DOK7: variants seen among roughly 807,000 people sequenced by gnomAD.
DOK7 encodes the protein protein Dok-7.
Under a neutral mutation model 30.7 loss-of-function variants are expected in DOK7, and 32 were observed. That is an observed-to-expected ratio of 1.04 (90% confidence interval 0.79 to 1.40). The LOEUF is 1.40. Among genes scored for constraint, DOK7 ranks in the 40% most tolerant of loss-of-function variants. DOK7 has a pLI of 0.00. For synonymous variants in DOK7, 447 were observed against 324.1 expected (o/e 1.38, Z -4.07); for missense variants, 1,007 against 699.2 (o/e 1.44, Z -4.97).
At position 3,493,457 on chromosome 4, in the gene DOK7, G is replaced by T; in HGVS notation, c.1471G>T (p.Ala491Ser). The T allele has an allele frequency of 1.2e-6, 2 of 1,610,200 alleles. No homozygotes were observed. The highest frequency in any genetic ancestry group is 8.5e-7 in the Non-Finnish European group (1 of 1,178,878). Residue 491 changes from alanine (A) to serine (S), a missense_variant, in exon 7 of 7, where the codon GCA becomes TCA. Ala to Ser is a moderately conservative substitution (Grantham distance 99). Coordinates refer to ENST00000340083, the MANE Select transcript of DOK7 (RefSeq NM_173660.5). ...HAGPPPAFFS[A>S]CPVCGGLKVN... ...GGGGCCACCCCCGGCTTTCTTTTCG[G>T]CATGTCCAGTCTGTGGAGGACTCAA...
rs916189 is a variant in DOK7 at position 3,485,424 on chromosome 4, A to G, written c.533-115A>G. 0.72 allele frequency: 964,824 copies of G among 1,338,124 alleles called. 350,818 individuals carry two copies. The highest frequency in any genetic ancestry group is 0.94 in the East Asian group (34,382 of 36,514). The allele number at this position is 1,338,124 out of a possible 1,614,324, so 82.9% of individuals were successfully genotyped here. ...GGCATCTGACTTCGTGGGGCCAGGCAGGGTGTCATTGTCGGCTCTTGGTGG... is the reference window on the plus strand; with the variant it reads ...GGCATCTGACTTCGTGGGGCCAGGCGGGGTGTCATTGTCGGCTCTTGGTGG... On this transcript the variant is annotated intron_variant, in intron 4 of 6. Transcript: ENST00000340083.
rs540055006 is a variant in DOK7, at chr4:3,501,368, G to A, written c.*543G>A. ...TCCCGGAATCCCCTCCCCGCCTCCC[G>A]GCTGTCCTGCCTGGGCCACCGCCAC... On this transcript the variant is annotated 3_prime_UTR_variant, in exon 8 of 8. Coordinates refer to the DOK7 transcript ENST00000643608. The A allele has an allele frequency of 1.2e-3, 182 of 155,226 alleles. 1 individual carries two copies. Among genetic ancestry groups the A allele is most frequent in the Non-Finnish European group, 2.1e-3 (145 of 69,948 alleles). 9.6% of individuals were successfully genotyped at this position (155,226 alleles called of 1,614,324 possible).
In DOK7 at chr4:3,493,495, T is replaced by C. The variant is rs1728686361; in HGVS notation, c.1509T>C (p.Pro503=). 1 of 1,611,068 alleles carries C rather than the reference T, an allele frequency of 6.2e-7. No individual in the cohort carries two copies. Among genetic ancestry groups the C allele is most frequent in the Non-Finnish European group, 8.5e-7 (1 of 1,179,286 alleles). ...GTGGAGGACTCAAGGTAAACCCCCC[T>C]CCTTGAGAGCCGCAGATCCCGCCCC... ...PVCGGLKVNP[P]P is the part of the protein sequence containing the mutation. Residue 503 remains proline, a synonymous_variant, in exon 7 of 7, where the codon CCT becomes CCC. Transcript: ENST00000340083.
chr4:3,496,533 G>A (rs746270124), downstream of DOK7, among the ~76,000 whole-genome samples: 10 of 152,330 alleles, frequency 6.6e-5, no homozygotes, highest in South Asian at 2.1e-4. Context: ...GCTGGGAACC[G>A]CCCCCTCCCC....
exon 8 of DOK7, chr4:3,501,098 G>A (rs1729164519): frequency 2.0e-6 from 1 of 507,960 alleles, no homozygotes; most frequent in Non-Finnish European, 3.4e-6. Flanking sequence ...CCAGGCATCA[G>A]GCAGCTCTGG....
In DOK7 at chr4:3,468,248, AAG is replaced by A. The variant is rs577157909; in HGVS notation, c.100+4698_100+4699del. Among the ~76,000 whole-genome samples, 367 of 149,200 alleles carry A rather than the reference AAG, an allele frequency of 2.5e-3. 2 individuals are homozygous for A. The highest frequency in any genetic ancestry group is 8.1e-3 in the African/African-American group (326 of 40,314). On this transcript the variant is annotated intron_variant, in intron 2 of 6. Transcript: ENST00000340083. The stretch of plus-strand genomic sequence containing the variant: ...TACCTGTGTGGGGGTGTATGTGTGC[AAG>A]TGTGTGTCCGCGTGCATGTGAATAC...
chr4:3,473,465 C>T lies in DOK7; in HGVS notation c.160C>T (p.Arg54Cys), dbSNP rs760460184. The T allele has an allele frequency of 6.2e-6, 10 of 1,610,950 alleles. No individual in the cohort carries two copies. Among genetic ancestry groups the T allele is most frequent in the South Asian group, 1.1e-5 (1 of 91,006 alleles). Reference sequence around the variant, plus strand: ...GGAGCGTATCAAGGGCCTGCGGGAGCGCAGCAGCCTGACGCTAGAGGACAT... The same window carrying T: ...GGAGCGTATCAAGGGCCTGCGGGAGTGCAGCAGCCTGACGCTAGAGGACAT... The part of the protein sequence containing the change: ...KSERIKGLRE[R>C]SSLTLEDICG... The change falls in exon 3 of 7, where the codon CGC becomes TGC. Residue 54 changes from arginine (R) to cysteine (C), a missense_variant. Physicochemically the swap from Arg to Cys is radical, Grantham distance 180. Coordinates refer to ENST00000340083, the MANE Select transcript of DOK7 (RefSeq NM_173660.5).
chr4:3,490,403 T>TTACCCTCCTGCTCATTCATTCCTTCC, intron 6 of DOK7, among the ~76,000 whole-genome samples: 1 of 9,706 alleles, frequency 1.0e-4, no homozygotes, highest in Admixed American at 1.1e-3. Context: ...TCAGTCCTTC[T>TTACCCTCCTGCTCATTCATTCCTTCC]TTCACCCCCC....
chr4:3,479,617 C>G (rs1171211478), intron 4 of DOK7, among the ~76,000 whole-genome samples: 1 of 152,236 alleles, frequency 6.6e-6, no homozygotes, highest in African/African-American at 2.4e-5. Flanking sequence ...ACAGCCAGCT[C>G]TGCAGAGAGC....
intron 3 of DOK7, 129 bp from the exon 4 acceptor site, chr4:3,476,213 G>T: frequency 2.1e-6 from 1 of 482,982 alleles, no homozygotes; most frequent in African/African-American, 2.5e-5. Flanking sequence ...CGCCCATGAT[G>T]CCCTCTCGCC....
chr4:3,463,459 G>GGCGC lies in DOK7; in HGVS notation c.54+31_54+32insCGCG, dbSNP rs1726085172. 4.9e-6 allele frequency: 7 copies of GGCGC among 1,424,350 alleles called. No homozygotes were observed. The highest frequency in any genetic ancestry group is 6.4e-6 in the Non-Finnish European group (7 of 1,094,368). 88.2% of individuals were successfully genotyped at this position (1,424,350 alleles called of 1,614,324 possible). On this transcript the variant is annotated intron_variant, in intron 1 of 6. Transcript: ENST00000340083. ...GGGCGCGTCGGGGGCGCGGGGGGGG[G>GGCGC]GGGCGCGGGCGCGGGCGGCGGCTCA...
At chr4:3,466,798 C>T (rs912760137) in intron 2 of DOK7, among the ~76,000 whole-genome samples, 1 of 152,196 alleles carries the variant, frequency 6.6e-6, no homozygotes, top group Non-Finnish European at 1.5e-5. Context: ...TCTGGAGCCT[C>T]GTCCTGGGCT....
chr4:3,472,472 C>G (rs60072632), intron 2 of DOK7, among the ~76,000 whole-genome samples: 8,953 of 152,206 alleles, frequency 0.059, 316 homozygotes, highest in African/African-American at 0.13. Context: ...CTGCCGGGGC[C>G]TAGGTGGGAG....
chr4:3,496,792 G>C, downstream of DOK7: 1 of 1,535,944 alleles, frequency 6.5e-7, no homozygotes, highest in South Asian at 1.2e-5. Flanking sequence ...ACTGAAGGAT[G>C]CACTGACCCA....
At chr4:3,497,257 G>T (rs1728961111), downstream of DOK7, among the ~76,000 whole-genome samples, 1 of 152,094 alleles carries the variant, frequency 6.6e-6, no homozygotes, top group South Asian at 2.1e-4. Flanking sequence ...AGGCAGTCAG[G>T]GTTGGGGTCC....
downstream of DOK7, among the ~76,000 whole-genome samples, chr4:3,497,674 A>G (rs373277152): frequency 3.3e-5 from 5 of 151,278 alleles, no homozygotes; most frequent in African/African-American, 1.2e-4. Flanking sequence ...GGCGGGGTCC[A>G]GGCAGGCCTG....
At chr4:3,494,801 G>C (rs1728810627), downstream of DOK7, among the ~76,000 whole-genome samples, 1 of 152,168 alleles carries the variant, frequency 6.6e-6, no homozygotes, top group African/African-American at 2.4e-5. Context: ...GGTGAGGGCG[G>C]ACCTCAGGAG....
intron 2 of DOK7, among the ~76,000 whole-genome samples, chr4:3,468,213 T>C (rs901129179): frequency 8.1e-5 from 12 of 147,490 alleles, no homozygotes; most frequent in Non-Finnish European, 1.3e-4. Flanking sequence ...TGTGTGTGTG[T>C]GCATGTGAAT....
Position 3,494,273 on chromosome 4 carries a change from C to A in DOK7, c.*772C>A. 1.0e-6 allele frequency: 1 copy of A among 985,578 alleles called. No individual in the cohort carries two copies. Among genetic ancestry groups the A allele is most frequent in the African/African-American group, 1.7e-5 (1 of 57,382 alleles). 61.1% of individuals were successfully genotyped at this position (985,578 alleles called of 1,614,324 possible). A position where few individuals can be genotyped will look rare whatever the true frequency, so the allele number is the denominator to read the frequency against. On this transcript the variant is annotated 3_prime_UTR_variant, in exon 7 of 7. Coordinates refer to ENST00000340083, the MANE Select transcript of DOK7 (RefSeq NM_173660.5). ...AAGGCTGGCTTGGCCTGTGTTTCCC[C>A]TGGCCCAGGCCTCAGCCCCTGCGTC...
Sources: allele counts gnomAD v4.1 joint callset (sites outside exome capture counted in the v4.1 genomes callset), GRCh38; gene constraint gnomAD v4.1.1; transcripts MANE v1.5; gene names NCBI Gene and HGNC (gene_info 2026-07-23, HGNC 2026-07-21).